Variants in MVB12B observed in about 807,000 individuals in gnomAD.
MVB12B encodes the protein multivesicular body subunit 12B.
Under a neutral mutation model 41.6 loss-of-function variants are expected in MVB12B, and 16 were observed. That is an observed-to-expected ratio of 0.38 (90% CI 0.26 to 0.58). The LOEUF is 0.58. MVB12B is among the 20% of genes least tolerant of loss of function. The probability of loss-of-function intolerance (pLI) is 0.62; values close to 1 mark genes in which losing one functional copy is unlikely to be tolerated. For missense variants in MVB12B, 274 were observed against 380.2 expected (o/e 0.72, Z 2.32); for synonymous variants, 133 against 139.7 (o/e 0.95, Z 0.34).
chr9:126,392,893 G>A lies in MVB12B; in HGVS notation c.539+698G>A, dbSNP rs187015082. On this transcript the variant is annotated intron_variant, in intron 5 of 9. Transcript: ENST00000361171. The surrounding 1 kb of genome is among the most constrained non-coding windows in gnomAD (Gnocchi z 4.8). ...AGAGCCAGGGACAATGTTGGGACAAGGGCGAGGGTTGGCAGGACCTCCTAG... is the reference window on the plus strand; with the variant it reads ...AGAGCCAGGGACAATGTTGGGACAAAGGCGAGGGTTGGCAGGACCTCCTAG... Among the ~76,000 whole-genome samples the A allele has an allele frequency of 3.0e-4, 46 of 152,376 alleles. No individual in the cohort carries two copies. Among genetic ancestry groups the A allele is most frequent in the Non-Finnish European group, 5.3e-4 (36 of 68,036 alleles).
intron 6 of MVB12B, among the ~76,000 whole-genome samples, chr9:126,414,969 A>G (rs542343120): frequency 6.6e-6 from 1 of 151,882 alleles, no homozygotes; most frequent in African/African-American, 2.4e-5. Context: ...GGTTCAAGTG[A>G]CCCACTCGCC....
At chr9:126,469,825 T>A (rs1237987891) in intron 7 of MVB12B, among the ~76,000 whole-genome samples, 1 of 152,230 alleles carries the variant, frequency 6.6e-6, no homozygotes, top group African/African-American at 2.4e-5. Flanking sequence ...TTTGAACTCA[T>A]GTGGAAAAGT....
At chr9:126,447,380 A>G (rs1832800260) in intron 7 of MVB12B, among the ~76,000 whole-genome samples, 1 of 150,410 alleles carries the variant, frequency 6.6e-6, no homozygotes, top group African/African-American at 2.5e-5. Flanking sequence ...ATATTCTTGT[A>G]TATTGCTTTG....
chr9:126,343,753 T>A (rs1829512028), intron 2 of MVB12B, among the ~76,000 whole-genome samples: 1 of 152,082 alleles, frequency 6.6e-6, no homozygotes, highest in African/African-American at 2.4e-5. Context: ...CCATCTCTAC[T>A]AAAAATACAA....
At chr9:126,371,166 C>G (rs1255338727) in intron 2 of MVB12B, among the ~76,000 whole-genome samples, 2 of 152,164 alleles carry the variant, frequency 1.3e-5, no homozygotes, top group African/African-American at 2.4e-5. Context: ...GCCGGCCTTC[C>G]CCTGGGTGCC....
chr9:126,335,648 C>T (rs186788123), intron 1 of MVB12B, among the ~76,000 whole-genome samples: 5 of 152,328 alleles, frequency 3.3e-5, no homozygotes, highest in East Asian at 3.9e-4. Context: ...CTATGAAGGC[C>T]GGAGCAGCAG....
intron 1 of MVB12B, among the ~76,000 whole-genome samples, chr9:126,337,264 C>G (rs1829309970): frequency 6.6e-6 from 1 of 152,156 alleles, no homozygotes; most frequent in African/African-American, 2.4e-5. Flanking sequence ...TCAACCTATT[C>G]CCTCCTGTGC....
intron 2 of MVB12B, among the ~76,000 whole-genome samples, chr9:126,342,805 A>C (rs117147529): frequency 6.6e-6 from 1 of 152,224 alleles, no homozygotes; most frequent in Non-Finnish European, 1.5e-5. Context: ...CTGGAGTTTC[A>C]TATTAAGTCA....
chr9:126,402,706 C>T (rs1831300619), intron 6 of MVB12B, among the ~76,000 whole-genome samples: 2 of 152,186 alleles, frequency 1.3e-5, no homozygotes, highest in Non-Finnish European at 2.9e-5. Context: ...GCTTGGGGGC[C>T]TTCAGACACT....
chr9:126,340,679 A>G lies in MVB12B; in HGVS notation c.204+49A>G, dbSNP rs1191001740. On this transcript the variant is annotated intron_variant, in intron 2 of 9. Transcript: ENST00000361171. This position sits in a 1 kb window ranked among gnomAD's most constrained non-coding sequence, Gnocchi z 4.0. ...CATTTTGCTCACTGATTCTACAAGT[A>G]TTTATCTCCTGTGTCCAAGACCTTC... 1.2e-6 allele frequency: 2 copies of G among 1,600,198 alleles called. No individual in the cohort carries two copies. The highest frequency in any genetic ancestry group is 2.2e-5 in the South Asian group (2 of 90,430).
At chr9:126,405,029 T>A (rs1831379896) in intron 6 of MVB12B, among the ~76,000 whole-genome samples, 1 of 152,242 alleles carries the variant, frequency 6.6e-6, no homozygotes, top group Non-Finnish European at 1.5e-5. Flanking sequence ...TTGATATTAA[T>A]TTTTAATACA....
chr9:126,386,613 A>G lies in MVB12B; in HGVS notation c.364A>G (p.Thr122Ala). The G allele has an allele frequency of 1.2e-6, 2 of 1,614,176 alleles. No homozygotes were observed. The highest frequency in any genetic ancestry group is 1.7e-6 in the Non-Finnish European group (2 of 1,180,008). Residue 122 changes from threonine (T) to alanine (A), a missense_variant, in exon 4 of 10, where the codon ACA becomes GCA. Thr to Ala is a moderately conservative substitution (Grantham distance 58, BLOSUM62 0). Transcript: ENST00000361171. The surrounding 1 kb of genome is among the most constrained non-coding windows in gnomAD (Gnocchi z 4.3). ...TATGAAGCTCATTGACATCAAGGAC[A>G]CACTGCCTGTGGGCTTCATCCCAAT... Reference protein sequence around the residue: ...VDMKLIDIKDTLPVGFIPIQE... With the variant: ...VDMKLIDIKDALPVGFIPIQE...
chr9:126,326,884 C>T lies in MVB12B; in HGVS notation c.-46C>T. The T allele has an allele frequency of 5.7e-6, 1 of 174,706 alleles. No individual in the cohort carries two copies. The highest frequency in any genetic ancestry group is 1.2e-5 in the Non-Finnish European group (1 of 86,956). The allele number at this position is 174,706 out of a possible 1,614,324, so 10.8% of individuals were successfully genotyped here. Reference sequence around the variant, plus strand: ...CGCGCTCGAGCTGCGGCGCCGGCTCCTGCCGCCTGGGCCCCGGGCCCGGCC... The same window carrying T: ...CGCGCTCGAGCTGCGGCGCCGGCTCTTGCCGCCTGGGCCCCGGGCCCGGCC... On this transcript the variant is annotated 5_prime_UTR_variant, in exon 1 of 10. Coordinates refer to ENST00000361171, the MANE Select transcript of MVB12B (RefSeq NM_033446.3).
intron 7 of MVB12B, among the ~76,000 whole-genome samples, chr9:126,466,289 G>T (rs116886761): frequency 2.0e-5 from 3 of 152,140 alleles, no homozygotes; most frequent in African/African-American, 7.2e-5. Context: ...CAGGCTCCAG[G>T]AGGCTTCTCT....
At chr9:126,380,557 G>A (rs1830605150) in intron 2 of MVB12B, among the ~76,000 whole-genome samples, 1 of 152,182 alleles carries the variant, frequency 6.6e-6, no homozygotes, top group Non-Finnish European at 1.5e-5. Flanking sequence ...AGGGTGGAGT[G>A]AAATGTTTCT....
chr9:126,353,603 T>C (rs746382836), intron 2 of MVB12B, among the ~76,000 whole-genome samples: 2 of 152,232 alleles, frequency 1.3e-5, no homozygotes, highest in Non-Finnish European at 2.9e-5. Flanking sequence ...GTGAGTGTTG[T>C]GGCTGTTACC....
At chr9:126,332,378 C>A (rs1256888052) in intron 1 of MVB12B, among the ~76,000 whole-genome samples, 3 of 152,152 alleles carry the variant, frequency 2.0e-5, no homozygotes, top group Non-Finnish European at 4.4e-5. Flanking sequence ...CAGCCTGAAC[C>A]AATTAAATGA....
chr9:126,377,240 A>C (rs193110719), intron 2 of MVB12B, among the ~76,000 whole-genome samples: 16 of 152,288 alleles, frequency 1.1e-4, no homozygotes, highest in Admixed American at 2.6e-4. Context: ...AAGAAATGCT[A>C]GGAGAGAGGT....
At chr9:126,396,852 G>T (rs1275155462) in intron 6 of MVB12B, 1 of 985,372 alleles carries the variant, frequency 1.0e-6, no homozygotes, top group African/African-American at 1.7e-5. Context: ...GCCTCCCAGA[G>T]TTGCAGGGTG....
Sources: gnomAD v4.1 joint callset for allele counts (sites outside exome capture counted in the v4.1 genomes callset) on GRCh38, gnomAD v4.1.1 for gene constraint, Gnocchi (gnomAD v3.1) non-coding constraint, MANE v1.5 for transcripts, NCBI Gene and HGNC (gene_info 2026-07-23, HGNC 2026-07-21) for gene names.